Variants in CCSER1 observed in about 807,000 individuals in gnomAD.
CCSER1 encodes the protein coiled-coil serine rich protein 1.
CCSER1 carries 41 observed loss-of-function variants against 82.0 expected under a neutral mutation model. The observed-to-expected ratio is 0.50, with a 90% CI of 0.39 to 0.65. CCSER1 has a LOEUF of 0.65. CCSER1 is among the 30% of genes least tolerant of loss of function. The pLI, the probability that CCSER1 is intolerant of heterozygous loss-of-function variation, is 0.00. For missense variants in CCSER1, 1,119 were observed against 1,064.2 expected, an observed-to-expected ratio of 1.05 and a Z score of -0.72; for synonymous variants, 414 against 383.9, an observed-to-expected ratio of 1.08 and a Z score of -0.92.
intron 10 of CCSER1, among the ~76,000 whole-genome samples, chr4:91,124,964 C>T (rs1727379328): frequency 6.6e-6 from 1 of 151,724 alleles, no homozygotes; most frequent in Non-Finnish European, 1.5e-5. Flanking sequence ...TCTTTCCCTA[C>T]ATGTTACTTG....
chr4:91,030,016 A>C (rs1224327220), intron 9 of CCSER1, among the ~76,000 whole-genome samples: 1 of 152,032 alleles, frequency 6.6e-6, no homozygotes, highest in Non-Finnish European at 1.5e-5. Flanking sequence ...TTAATCATTA[A>C]TTAAAAATAA....
chr4:91,306,439 G>C (rs567842479), intron 10 of CCSER1, among the ~76,000 whole-genome samples: 1 of 152,038 alleles, frequency 6.6e-6, no homozygotes, highest in East Asian at 1.9e-4. Context: ...CTTTTTGAAA[G>C]CATAAGAAAG....
intron 10 of CCSER1, among the ~76,000 whole-genome samples, chr4:91,161,824 G>C (rs968424733): frequency 3.3e-5 from 5 of 152,170 alleles, no homozygotes; most frequent in Non-Finnish European, 7.4e-5. Flanking sequence ...ATCAGCTTAA[G>C]GAGATTTTGG....
intron 10 of CCSER1, among the ~76,000 whole-genome samples, chr4:91,422,654 A>G (rs1356104032): frequency 1.3e-5 from 2 of 152,182 alleles, no homozygotes; most frequent in Non-Finnish European, 2.9e-5. Context: ...AAAGAATTCC[A>G]GTATATTTTG....
chr4:90,919,005 T>G (rs1036401821), intron 8 of CCSER1, among the ~76,000 whole-genome samples: 3 of 150,858 alleles, frequency 2.0e-5, no homozygotes, highest in African/African-American at 7.3e-5. Flanking sequence ...CTGATGATAT[T>G]TATATTAGTA....
chr4:91,142,418 G>T (rs1420642228), intron 10 of CCSER1, among the ~76,000 whole-genome samples: 1 of 152,104 alleles, frequency 6.6e-6, no homozygotes, highest in Non-Finnish European at 1.5e-5. Context: ...CATGAGAACA[G>T]ACTAATATAC....
At chr4:91,574,113 A>C (rs1415451292) in intron 10 of CCSER1, among the ~76,000 whole-genome samples, 1 of 152,124 alleles carries the variant, frequency 6.6e-6, no homozygotes, top group Non-Finnish European at 1.5e-5. Flanking sequence ...CTCTATCAAA[A>C]TTTCAAGAGA....
chr4:90,790,895 C>T (rs548176969), intron 7 of CCSER1, among the ~76,000 whole-genome samples: 5 of 152,174 alleles, frequency 3.3e-5, no homozygotes, highest in African/African-American at 1.2e-4. Context: ...GTCACTTCCA[C>T]ATTTTCAGGT....
intron 10 of CCSER1, among the ~76,000 whole-genome samples, chr4:91,574,435 CA>C (rs1290646363): frequency 1.3e-5 from 2 of 152,102 alleles, no homozygotes; most frequent in East Asian, 3.9e-4. Context: ...CAAAAAAACA[CA>C]TGCACTCGTA....
intron 10 of CCSER1, among the ~76,000 whole-genome samples, chr4:91,230,739 G>A (rs921146345): frequency 2.6e-5 from 4 of 151,610 alleles, no homozygotes; most frequent in East Asian, 3.9e-4. Flanking sequence ...ATCAAATTTC[G>A]AATATTAAAT....
intron 8 of CCSER1, among the ~76,000 whole-genome samples, chr4:90,906,362 G>A (rs1419769639): frequency 6.6e-6 from 1 of 152,052 alleles, no homozygotes; most frequent in East Asian, 1.9e-4. Context: ...GACATCAATT[G>A]TTTTCTAGCT....
At chr4:91,297,385 A>ATGTGTGTGTGTGTGTGTGTGTGTGTG (rs57164334) in intron 10 of CCSER1, among the ~76,000 whole-genome samples, 2 of 117,988 alleles carry the variant, frequency 1.7e-5, no homozygotes, top group African/African-American at 3.0e-5. Context: ...GTGTGTGTGT[A>ATGTGTGTGTGTGTGTGTGTGTGTGTG]TGTGTGTGTG....
chr4:90,598,240 A>G (rs1305414803), intron 5 of CCSER1, among the ~76,000 whole-genome samples: 1 of 151,968 alleles, frequency 6.6e-6, no homozygotes, highest in African/African-American at 2.4e-5. Context: ...TGGCTGCACC[A>G]ATTTATTTTT....
chr4:90,684,928 C>G (rs189559223), intron 6 of CCSER1, among the ~76,000 whole-genome samples: 1 of 152,216 alleles, frequency 6.6e-6, no homozygotes, highest in Non-Finnish European at 1.5e-5. Context: ...TGAGGCCTTT[C>G]CAGCCACATG....
chr4:90,144,113 C>A (rs1425926139), intron 1 of CCSER1, among the ~76,000 whole-genome samples: 1 of 152,190 alleles, frequency 6.6e-6, no homozygotes, highest in African/African-American at 2.4e-5. Flanking sequence ...TGTTACTTGT[C>A]AGGTTGTTCC....
chr4:90,724,161 T>G (rs1426094275), intron 7 of CCSER1, among the ~76,000 whole-genome samples, 170 bp downstream of exon 7: 1 of 152,018 alleles, frequency 6.6e-6, no homozygotes, highest in Non-Finnish European at 1.5e-5. Flanking sequence ...TATTGCTAAC[T>G]AAAGGTAAAG....
chr4:91,506,114 G>A (rs1759468122), intron 10 of CCSER1, among the ~76,000 whole-genome samples: 4 of 152,124 alleles, frequency 2.6e-5, no homozygotes, highest in Admixed American at 2.6e-4. Context: ...TTTTGTATAA[G>A]GTGTAAGGAA....
chr4:91,334,595 T>C (rs74621359), intron 10 of CCSER1, among the ~76,000 whole-genome samples: 9,844 of 151,872 alleles, frequency 0.065, 421 homozygotes, highest in African/African-American at 0.11. Context: ...AGAAAATCTA[T>C]AAAACATGGT....
intron 10 of CCSER1, among the ~76,000 whole-genome samples, chr4:91,172,884 A>T (rs1732911956): frequency 6.6e-6 from 1 of 152,226 alleles, no homozygotes; most frequent in African/African-American, 2.4e-5. Context: ...CATATTAAAC[A>T]TACTGATATC....
Sources: gnomAD v4.1 joint callset for allele counts (sites outside exome capture counted in the v4.1 genomes callset) on GRCh38, gnomAD v4.1.1 for gene constraint, MANE v1.5 for transcripts, NCBI Gene and HGNC (gene_info 2026-07-23, HGNC 2026-07-21) for gene names.